Variants in SLC14A2 observed in about 807,000 individuals in gnomAD.
The protein encoded by SLC14A2 is solute carrier family 14 member 2, also known as urea transporter 2.
Under a neutral mutation model 104.6 loss-of-function variants are expected in SLC14A2, and 91 were observed. That is an observed-to-expected ratio of 0.87 (90% confidence interval 0.73 to 1.04). The LOEUF is 1.04. Ranked by LOEUF, SLC14A2 falls within the 50% of genes least tolerant of loss-of-function variation. SLC14A2 has a pLI of 0.00. For missense variants in SLC14A2, 1,189 were observed against 1,156.0 expected, an observed-to-expected ratio of 1.03 and a Z score of -0.41; for synonymous variants, 476 against 466.4, an observed-to-expected ratio of 1.02 and a Z score of -0.27.
chr18:45,292,310 A>G (rs2084878232), intron 1 of SLC14A2, among the ~76,000 whole-genome samples: 1 of 152,150 alleles, frequency 6.6e-6, no homozygotes, highest in Admixed American at 6.5e-5. Context: ...GAATCTAGTG[A>G]TCTGTCTGTA....
intron 1 of SLC14A2, among the ~76,000 whole-genome samples, chr18:45,405,145 G>C (rs2086139581): frequency 6.6e-6 from 1 of 152,174 alleles, no homozygotes; most frequent in Non-Finnish European, 1.5e-5. Context: ...ACAGAGTCTG[G>C]GAAGTTGCAG....
At chr18:45,458,353 T>A (rs993293825) in intron 1 of SLC14A2, among the ~76,000 whole-genome samples, 10 of 96,958 alleles carry the variant, frequency 1.0e-4, no homozygotes, top group Non-Finnish European at 2.2e-4. Context: ...GAAAATGTTC[T>A]TCTTGGAACA....
At chr18:45,285,914 C>T (rs2084810665) in intron 1 of SLC14A2, among the ~76,000 whole-genome samples, 1 of 152,182 alleles carries the variant, frequency 6.6e-6, no homozygotes, top group East Asian at 1.9e-4. Context: ...ACCTGGGAGG[C>T]TTGCAAGATG....
intron 2 of SLC14A2, among the ~76,000 whole-genome samples, chr18:45,497,627 T>C (rs1405496403): frequency 6.6e-6 from 1 of 152,178 alleles, no homozygotes; most frequent in East Asian, 1.9e-4. Flanking sequence ...GTACCCACAG[T>C]GCAGCAGCGG....
At chr18:45,192,642 T>TTTTTG in the SLC14A2 span, among the ~76,000 whole-genome samples, 1,761 of 144,874 alleles carry the variant, frequency 0.012, 29 homozygotes, top group African/African-American at 0.038. Context: ...GTGTGGTTTT[T>TTTTTG]TTTTGTTTTG....
At chr18:45,539,175 G>GGAGGGATTCAGGTGGGAATT (rs143055447) in intron 2 of SLC14A2, among the ~76,000 whole-genome samples, 1 of 150,588 alleles carries the variant, frequency 6.6e-6, no homozygotes, top group South Asian at 2.1e-4. Flanking sequence ...CTAGGTGGAT[G>GGAGGGATTCAGGTGGGAATT]CAGGGATTCA....
chr18:45,423,073 CA>C (rs1171987734), intron 1 of SLC14A2, among the ~76,000 whole-genome samples: 1 of 152,170 alleles, frequency 6.6e-6, no homozygotes, highest in Non-Finnish European at 1.5e-5. Context: ...ATCACTTTGC[CA>C]TTGGGAAAAA....
chr18:45,618,353 T>C (rs13381856), intron 1 of SLC14A2, among the ~76,000 whole-genome samples: 49,813 of 151,876 alleles, frequency 0.33, 8,653 homozygotes, highest in African/African-American at 0.44. Context: ...GCTGCTGTGG[T>C]CTCAATAACT....
intron 10 of SLC14A2, among the ~76,000 whole-genome samples, chr18:45,649,061 C>T (rs1246420243): frequency 6.6e-6 from 1 of 152,120 alleles, no homozygotes; most frequent in Non-Finnish European, 1.5e-5. Flanking sequence ...GTCCCAGCTA[C>T]TCGGGAGGCT....
At chr18:45,353,669 A>G (rs2085523729) in intron 1 of SLC14A2, among the ~76,000 whole-genome samples, 1 of 152,176 alleles carries the variant, frequency 6.6e-6, no homozygotes, top group African/African-American at 2.4e-5. Flanking sequence ...AACAATAAGA[A>G]TGCATACTAA....
intron 4 of SLC14A2, among the ~76,000 whole-genome samples, 197 bp from the exon 5 acceptor site, chr18:45,632,145 TTGTGTGTG>T (rs34666828): frequency 1.4e-3 from 161 of 113,664 alleles, no homozygotes; most frequent in African/African-American, 4.7e-3. Context: ...GTGTGTGTGT[TTGTGTGTG>T]TGTGTGTGTG....
intron 1 of SLC14A2, among the ~76,000 whole-genome samples, chr18:45,294,995 A>G (rs1164546793): frequency 6.6e-6 from 1 of 152,244 alleles, no homozygotes; most frequent in African/African-American, 2.4e-5. Context: ...CATGATACTT[A>G]TTGTTTCATT....
chr18:45,659,947 A>T (rs1227143103), intron 10 of SLC14A2, among the ~76,000 whole-genome samples: 1 of 143,074 alleles, frequency 7.0e-6, no homozygotes, highest in Non-Finnish European at 1.5e-5. Context: ...CAACATAATG[A>T]GACACTGGCT....
intron 10 of SLC14A2, chr18:45,647,217 A>T (rs1200286038): frequency 2.0e-5 from 3 of 152,216 alleles, no homozygotes; most frequent in Admixed American, 2.0e-4. Context: ...GACATAGTCA[A>T]GTTTTCTGCT....
rs143109092 is a variant in SLC14A2 at position 45,337,966 on chromosome 18, C to T, written c.-125+124775C>T. On this transcript the variant is annotated intron_variant, in intron 1 of 20. Transcript: ENST00000586448. ...TTAAGGTCCCAAAACAGACATTTGC[C>T]ACTTATTCTTTCTGAAGGCTGTAAC... Among the ~76,000 whole-genome samples the T allele has an allele frequency of 6.8e-4, 104 of 152,226 alleles. 3 individuals carry two copies. The East Asian group carries it at 0.015, about 22-fold the overall frequency.
At chr18:45,367,019 T>C (rs1371604768) in intron 1 of SLC14A2, among the ~76,000 whole-genome samples, 1 of 152,184 alleles carries the variant, frequency 6.6e-6, no homozygotes, top group Non-Finnish European at 1.5e-5. Context: ...GAATCACAGC[T>C]CCATTTAGCT....
At chr18:45,193,735 T>A in the SLC14A2 span, among the ~76,000 whole-genome samples, 29 of 152,324 alleles carry the variant, frequency 1.9e-4, no homozygotes, top group East Asian at 5.4e-3. Context: ...CACCAGTTTT[T>A]CAATTTCTAC....
intron 1 of SLC14A2, among the ~76,000 whole-genome samples, chr18:45,288,116 T>G (rs374387215): frequency 6.6e-6 from 1 of 152,144 alleles, no homozygotes; most frequent in Non-Finnish European, 1.5e-5. Context: ...AAGCTTAAAA[T>G]GAGATGAAGA....
intron 2 of SLC14A2, among the ~76,000 whole-genome samples, chr18:45,568,580 G>A (rs1409437469): frequency 6.6e-6 from 1 of 152,232 alleles, no homozygotes; most frequent in East Asian, 1.9e-4. Flanking sequence ...ATTAATTGCT[G>A]AGGCAAGACT....
Sources: allele counts gnomAD v4.1 joint callset (sites outside exome capture counted in the v4.1 genomes callset), GRCh38; gene constraint gnomAD v4.1.1; transcripts MANE v1.5; gene names NCBI Gene and HGNC (gene_info 2026-07-23, HGNC 2026-07-21).